Variants in EXOC4 observed in about 807,000 individuals in gnomAD.
The protein encoded by EXOC4 is SEC8-like 1.
EXOC4 carries 71 observed loss-of-function variants against 107.2 expected under a neutral mutation model. The observed-to-expected ratio is 0.66, with a 90% CI of 0.55 to 0.81. EXOC4 has a LOEUF of 0.81. Among genes scored for constraint, EXOC4 ranks in the 30% least tolerant of loss-of-function variants. The pLI is 0.00. For synonymous variants in EXOC4, 456 were observed against 441.2 expected (o/e 1.03, Z -0.42); for missense variants, 1,108 against 1,189.6 (o/e 0.93, Z 1.01).
chr7:133,915,638 T>C (rs895322438), intron 12 of EXOC4, among the ~76,000 whole-genome samples: 5 of 152,188 alleles, frequency 3.3e-5, no homozygotes, highest in African/African-American at 1.2e-4. Flanking sequence ...AACAGTCTCT[T>C]ATCTGAGGTG....
chr7:133,903,101 A>G (rs1029715295), intron 12 of EXOC4, among the ~76,000 whole-genome samples: 14 of 152,150 alleles, frequency 9.2e-5, no homozygotes, highest in Non-Finnish European at 2.1e-4. Flanking sequence ...ACGCTCCGGG[A>G]CACTTTTAAG....
At chr7:133,896,569 C>T (rs1799313655) in intron 12 of EXOC4, among the ~76,000 whole-genome samples, 1 of 151,902 alleles carries the variant, frequency 6.6e-6, no homozygotes, top group African/African-American at 2.4e-5. Flanking sequence ...GTGCTGGACT[C>T]ATGAAATTTA....
Position 134,054,344 on chromosome 7 carries a change from T to A in EXOC4, c.2688-9947T>A, listed in dbSNP as rs117661639. Among the ~76,000 whole-genome samples, 67 of 152,246 alleles carry A rather than the reference T, an allele frequency of 4.4e-4. No homozygotes were observed. The East Asian group carries it at 0.012, about 28-fold the overall frequency. On this transcript the variant is annotated intron_variant, in intron 17 of 17. Coordinates refer to ENST00000253861, the MANE Select transcript of EXOC4 (RefSeq NM_021807.4). ...GACCATTCACCCACCTGTTCTAAGG[T>A]TTCTCCCAACTATTGAATGAATATA...
At chr7:134,071,964 C>T in the EXOC4 span, among the ~76,000 whole-genome samples, 1 of 152,198 alleles carries the variant, frequency 6.6e-6, no homozygotes, top group Non-Finnish European at 1.5e-5. Flanking sequence ...CAGCAGGAAC[C>T]ATTTCTGGAC....
intron 10 of EXOC4, among the ~76,000 whole-genome samples, chr7:133,658,441 G>T (rs954589838): frequency 1.3e-5 from 2 of 152,108 alleles, no homozygotes; most frequent in African/African-American, 4.8e-5. Context: ...ATCTGTTACT[G>T]TGTCTGTCCC....
chr7:133,474,660 T>G (rs1798965882), intron 7 of EXOC4, among the ~76,000 whole-genome samples: 1 of 152,108 alleles, frequency 6.6e-6, no homozygotes, highest in African/African-American at 2.4e-5. Flanking sequence ...GTTGAAGCTC[T>G]CAATATGAGT....
At chr7:134,090,200 G>A in the EXOC4 span, among the ~76,000 whole-genome samples, 1 of 152,120 alleles carries the variant, frequency 6.6e-6, no homozygotes, top group East Asian at 1.9e-4. Flanking sequence ...ACAGACAGAA[G>A]ATAAAGGACT....
intron 11 of EXOC4, among the ~76,000 whole-genome samples, chr7:133,883,794 G>C (rs899475446): frequency 3.9e-5 from 6 of 152,210 alleles, no homozygotes; most frequent in Non-Finnish European, 8.8e-5. Context: ...GAAGAGAGCA[G>C]AGGTGGCAGT....
intron 6 of EXOC4, among the ~76,000 whole-genome samples, chr7:133,366,960 T>G (rs937804175): frequency 6.6e-6 from 1 of 152,060 alleles, no homozygotes; most frequent in African/African-American, 2.4e-5. Flanking sequence ...GGAGGCCTAT[T>G]TGAGAGAGAG....
chr7:133,322,356 A>G (rs1795132881), intron 5 of EXOC4, among the ~76,000 whole-genome samples: 1 of 152,198 alleles, frequency 6.6e-6, no homozygotes, highest in South Asian at 2.1e-4. Flanking sequence ...TTTAGGTCTT[A>G]CGTTTAAGTC....
intron 9 of EXOC4, among the ~76,000 whole-genome samples, chr7:133,597,567 A>AAAAAAAACCCCCC (rs1208162874): frequency 2.0e-5 from 3 of 146,518 alleles, no homozygotes; most frequent in African/African-American, 7.9e-5. Context: ...AAAAAAAAAA[A>AAAAAAAACCCCCC]AAAAAAAACC....
chr7:134,018,812 C>A (rs1382494260), intron 17 of EXOC4, among the ~76,000 whole-genome samples: 2 of 151,502 alleles, frequency 1.3e-5, no homozygotes, highest in Non-Finnish European at 2.9e-5. Flanking sequence ...GGTGGTTTTC[C>A]CCCTTTTACT....
chr7:133,784,538 A>G (rs1046638972), intron 10 of EXOC4, among the ~76,000 whole-genome samples: 5 of 152,182 alleles, frequency 3.3e-5, no homozygotes, highest in African/African-American at 1.2e-4. Context: ...GGTGAGCTCC[A>G]TCAGGGAGCT....
At chr7:133,309,941 A>G (rs934811407) in intron 4 of EXOC4, among the ~76,000 whole-genome samples, 5 of 152,190 alleles carry the variant, frequency 3.3e-5, no homozygotes, top group African/African-American at 4.8e-5. Context: ...CTCCATCTCA[A>G]AAAACAAACA....
the EXOC4 span, among the ~76,000 whole-genome samples, chr7:134,093,516 C>T: frequency 6.6e-6 from 1 of 152,092 alleles, no homozygotes; most frequent in Non-Finnish European, 1.5e-5. Flanking sequence ...CACAGGTCAT[C>T]GAGGAAGAAA....
chr7:133,760,082 G>A (rs1329186373), intron 10 of EXOC4, among the ~76,000 whole-genome samples: 3 of 152,128 alleles, frequency 2.0e-5, no homozygotes, highest in Admixed American at 2.0e-4. Context: ...GTTTTTAGGG[G>A]TGCTGTTGTG....
rs754990619 is a variant in EXOC4 at position 133,480,449 on chromosome 7, C to T, written c.1417+311C>T. ...AATCTAGGAGAATGTTGGTCTTCTGCGACTGCCACTGTTACTTCTAATTGT... is the reference window on the plus strand; with the variant it reads ...AATCTAGGAGAATGTTGGTCTTCTGTGACTGCCACTGTTACTTCTAATTGT... On this transcript the variant is annotated intron_variant, in intron 9 of 17. Coordinates refer to ENST00000253861, the MANE Select transcript of EXOC4 (RefSeq NM_021807.4). 3.3e-4 allele frequency: 370 copies of T among 1,127,340 alleles called. 1 individual carries two copies. The highest frequency in any genetic ancestry group is 7.4e-4 in the South Asian group (27 of 36,502). 69.8% of individuals were successfully genotyped at this position (1,127,340 alleles called of 1,614,324 possible).
chr7:133,398,903 CTTA>C (rs1387030157), intron 7 of EXOC4, among the ~76,000 whole-genome samples: 1 of 152,154 alleles, frequency 6.6e-6, no homozygotes, highest in Non-Finnish European at 1.5e-5. Flanking sequence ...TGTTTAAGTG[CTTA>C]TTATTTTTTA....
intron 1 of EXOC4, among the ~76,000 whole-genome samples, chr7:133,257,928 G>A (rs923608218): frequency 2.6e-5 from 4 of 152,156 alleles, no homozygotes; most frequent in South Asian, 2.1e-4. Flanking sequence ...GGCTTTGAAC[G>A]AACAGCTTTG....
Sources: allele counts gnomAD v4.1 joint callset (sites outside exome capture counted in the v4.1 genomes callset), GRCh38; gene constraint gnomAD v4.1.1; transcripts MANE v1.5; gene names NCBI Gene and HGNC (gene_info 2026-07-23, HGNC 2026-07-21).